UNC79: variants seen among roughly 807,000 people sequenced by gnomAD.
The protein encoded by UNC79 is protein unc-79 homolog.
Under a neutral mutation model 283.1 loss-of-function variants are expected in UNC79, and 37 were observed. The ratio of observed to expected loss-of-function variants is 0.13; its 90% CI spans 0.10 to 0.17. UNC79 has a LOEUF of 0.17. Among genes scored for constraint, UNC79 ranks in the 10% least tolerant of loss-of-function variants. UNC79 has a pLI of 1.00. For synonymous variants in UNC79, 1,107 were observed against 1,200.2 expected, an observed-to-expected ratio of 0.92 and a Z score of 1.61; for missense variants, 2,272 against 3,211.1, an observed-to-expected ratio of 0.71 and a Z score of 7.07.
At chr14:93,342,600 C>CA (rs1379305649) in intron 1 of UNC79, among the ~76,000 whole-genome samples, 1 of 152,232 alleles carries the variant, frequency 6.6e-6, no homozygotes, top group African/African-American at 2.4e-5. Context: ...TTTCTCCCCA[C>CA]AAAATGGGTT....
intron 2 of UNC79, among the ~76,000 whole-genome samples, chr14:93,472,059 A>T (rs1382845968): frequency 1.3e-5 from 2 of 152,024 alleles, no homozygotes; most frequent in Non-Finnish European, 2.9e-5. Context: ...AGCTATTTTT[A>T]TTTTCTAAGG....
At chr14:93,377,930 G>A (rs2139981466) in intron 1 of UNC79, among the ~76,000 whole-genome samples, 1 of 152,260 alleles carries the variant, frequency 6.6e-6, no homozygotes, top group East Asian at 1.9e-4. Flanking sequence ...GTTTTTACTG[G>A]TAGACAACAA....
At chr14:93,476,430 T>C (rs1226690090) in intron 3 of UNC79, among the ~76,000 whole-genome samples, 1 of 152,210 alleles carries the variant, frequency 6.6e-6, no homozygotes, top group Non-Finnish European at 1.5e-5. Flanking sequence ...CAGCTTCGGT[T>C]AATTCTTAGT....
chr14:93,650,246 A>T (rs2070100497), intron 35 of UNC79, among the ~76,000 whole-genome samples: 1 of 152,008 alleles, frequency 6.6e-6, no homozygotes, highest in Non-Finnish European at 1.5e-5. Flanking sequence ...TGGGGGGTAT[A>T]AAAAAATAGA....
At chr14:93,502,053 TG>T (rs1173014527) in intron 7 of UNC79, among the ~76,000 whole-genome samples, 2 of 152,240 alleles carry the variant, frequency 1.3e-5, no homozygotes, top group African/African-American at 4.8e-5. Context: ...TGATCTACAA[TG>T]TTTTTTCCTT....
At chr14:93,395,818 T>C (rs540360289) in intron 1 of UNC79, among the ~76,000 whole-genome samples, 1 of 152,240 alleles carries the variant, frequency 6.6e-6, no homozygotes, top group Non-Finnish European at 1.5e-5. Context: ...TTCTTTTTTT[T>C]GGGCTTTCAA....
At chr14:93,343,595 G>C (rs2139886576) in intron 1 of UNC79, among the ~76,000 whole-genome samples, 1 of 152,048 alleles carries the variant, frequency 6.6e-6, no homozygotes, top group South Asian at 2.1e-4. Context: ...TTTGGTTCTT[G>C]AATCAGAATT....
intron 1 of UNC79, among the ~76,000 whole-genome samples, chr14:93,407,846 C>T (rs2055258069): frequency 1.3e-5 from 2 of 152,120 alleles, no homozygotes; most frequent in South Asian, 4.1e-4. Flanking sequence ...ATGAAAGACG[C>T]AGACGATTTA....
chr14:93,609,664 G>T (rs1167365013), intron 26 of UNC79, among the ~76,000 whole-genome samples: 4 of 152,172 alleles, frequency 2.6e-5, no homozygotes, highest in Non-Finnish European at 5.9e-5. Context: ...GAAAATGCTT[G>T]TAGGCATTTA....
At chr14:93,417,517 G>A (rs7157509) in intron 1 of UNC79, among the ~76,000 whole-genome samples, 85,982 of 151,678 alleles carry the variant, frequency 0.57, 24,851 homozygotes, top group Admixed American at 0.67. Context: ...TGCTCTTCTC[G>A]AGGAGTGTCT....
intron 12 of UNC79, among the ~76,000 whole-genome samples, chr14:93,538,840 TA>T (rs1187698617): frequency 2.7e-5 from 4 of 149,888 alleles, no homozygotes; most frequent in Non-Finnish European, 5.9e-5. Flanking sequence ...AAATAACTTC[TA>T]CCCTTCCTCT....
intron 1 of UNC79, among the ~76,000 whole-genome samples, chr14:93,422,649 T>C (rs1256512025): frequency 6.6e-6 from 1 of 152,210 alleles, no homozygotes; most frequent in Non-Finnish European, 1.5e-5. Context: ...CATACCTCGA[T>C]ATAAACAATG....
At chr14:93,633,363 C>G (rs1421573085) in intron 31 of UNC79, among the ~76,000 whole-genome samples, 1 of 152,164 alleles carries the variant, frequency 6.6e-6, no homozygotes, top group Non-Finnish European at 1.5e-5. Flanking sequence ...ATTAATCAAA[C>G]AGCATGCTAG....
At chr14:93,659,996 C>T (rs770810030) in intron 39 of UNC79, among the ~76,000 whole-genome samples, 11 of 152,144 alleles carry the variant, frequency 7.2e-5, no homozygotes, top group Non-Finnish European at 1.6e-4. Context: ...TCTATAGTAG[C>T]ACTTACATTG....
At chr14:93,395,840 T>A (rs772513049) in intron 1 of UNC79, among the ~76,000 whole-genome samples, 4 of 152,188 alleles carry the variant, frequency 2.6e-5, no homozygotes, top group Non-Finnish European at 4.4e-5. Context: ...CTTTTTTTCT[T>A]TGTTTTTTGA....
chr14:93,585,328 T>C (rs2064142421), intron 20 of UNC79, among the ~76,000 whole-genome samples: 1 of 152,198 alleles, frequency 6.6e-6, no homozygotes, highest in African/African-American at 2.4e-5. Flanking sequence ...TCTGGAGCTC[T>C]TCTGTCCTAG....
chr14:93,622,959 A>G lies in UNC79; in HGVS notation c.5608+118A>G. 6.0e-6 allele frequency: 8 copies of G among 1,333,116 alleles called. No individual in the cohort carries two copies. The South Asian group carries it at 9.0e-5, about 15-fold the overall frequency. The allele number at this position is 1,333,116 out of a possible 1,614,324, so 82.6% of individuals were successfully genotyped here. On this transcript the variant is annotated intron_variant, in intron 30 of 48. Transcript: ENST00000555664. ...AACTCTTATAATGTCAGGGTGTGACATTATAATGGCTTCTCAATCACTCTG... is the reference window on the plus strand; with the variant it reads ...AACTCTTATAATGTCAGGGTGTGACGTTATAATGGCTTCTCAATCACTCTG...
chr14:93,389,558 T>G (rs1409276756), intron 1 of UNC79, among the ~76,000 whole-genome samples: 3 of 152,064 alleles, frequency 2.0e-5, no homozygotes, highest in Non-Finnish European at 4.4e-5. Flanking sequence ...GTGGAAGGTG[T>G]TAGAACTTGT....
At chr14:93,619,081 G>GTAGAGTCTGTTT (rs1264902785) in intron 29 of UNC79, among the ~76,000 whole-genome samples, 248 of 152,314 alleles carry the variant, frequency 1.6e-3, no homozygotes, top group African/African-American at 5.8e-3. Flanking sequence ...TATGAGGTTA[G>GTAGAGTCTGTTT]TAGAGTCTGT....
Sources: allele counts gnomAD v4.1 joint callset (sites outside exome capture counted in the v4.1 genomes callset), GRCh38; gene constraint gnomAD v4.1.1; transcripts MANE v1.5; gene names NCBI Gene and HGNC (gene_info 2026-07-23, HGNC 2026-07-21).